The following AHCY variants were observed in gnomAD, a reference collection of about 807,000 sequenced individuals.
AHCY encodes adenosylhomocysteinase.
Under a neutral mutation model 45.4 loss-of-function variants are expected in AHCY, and 24 were observed. The ratio of observed to expected loss-of-function variants is 0.53; its 90% confidence interval spans 0.38 to 0.74. The LOEUF is 0.74. Among genes scored for constraint, AHCY ranks in the 30% least tolerant of loss-of-function variants. AHCY has a pLI of 0.00. For synonymous variants in AHCY, 245 were observed against 235.1 expected (o/e 1.04, Z -0.39); for missense variants, 449 against 594.1 (o/e 0.76, Z 2.54).
At chr20:34,235,987 AGAAG>A in the AHCY span, among the ~76,000 whole-genome samples, 1 of 86,034 alleles carries the variant, frequency 1.2e-5, no homozygotes, top group Non-Finnish European at 1.9e-5. Context: ...GAAGAAGGAA[AGAAG>A]GAAGGAAGGA....
chr20:34,264,567 T>C, the AHCY span, among the ~76,000 whole-genome samples: 1 of 152,150 alleles, frequency 6.6e-6, no homozygotes, highest in African/African-American at 2.4e-5. Flanking sequence ...CAAGAAAAAG[T>C]TGCTTGAATT....
chr20:34,262,806 T>A, the AHCY span: 14 of 1,613,478 alleles, frequency 8.7e-6, no homozygotes, highest in Non-Finnish European at 1.1e-5. Flanking sequence ...AACATCTGAC[T>A]TTGCTCCTTT....
At chr20:34,246,407 T>C in the AHCY span, 1 of 1,363,910 alleles carries the variant, frequency 7.3e-7, no homozygotes, top group Non-Finnish European at 1.0e-6. Context: ...ATCAGGCATA[T>C]ATTCACAGTA....
At chr20:34,232,600 T>G in the AHCY span, among the ~76,000 whole-genome samples, 2 of 152,152 alleles carry the variant, frequency 1.3e-5, no homozygotes, top group African/African-American at 4.8e-5. Context: ...ATTTGAGACA[T>G]CCAGTATATA....
At chr20:34,291,885 G>A (rs914496959) in intron 4 of AHCY, among the ~76,000 whole-genome samples, 2 of 152,168 alleles carry the variant, frequency 1.3e-5, no homozygotes, top group Admixed American at 1.3e-4. Context: ...TCTTCTCAAC[G>A]CCCTCCAGTT....
At chr20:34,303,934 G>C (rs993567854), upstream of AHCY, among the ~76,000 whole-genome samples, 9 of 152,276 alleles carry the variant, frequency 5.9e-5, no homozygotes, top group African/African-American at 2.2e-4. Context: ...TGGAGATCGA[G>C]GCTGCAGTGA....
the AHCY span, among the ~76,000 whole-genome samples, chr20:34,269,744 A>G: frequency 6.6e-6 from 1 of 151,992 alleles, no homozygotes; most frequent in African/African-American, 2.4e-5. Context: ...CTGGAGATCG[A>G]GACCATCCTG....
chr20:34,238,688 T>C, the AHCY span, among the ~76,000 whole-genome samples: 4 of 152,170 alleles, frequency 2.6e-5, no homozygotes, highest in African/African-American at 9.6e-5. Flanking sequence ...TTCCTTTGAA[T>C]GTGCCATATT....
At chr20:34,269,178 T>G in the AHCY span, 1 of 1,493,608 alleles carries the variant, frequency 6.7e-7, no homozygotes, top group Non-Finnish European at 8.9e-7. Context: ...GCGCCCCCAC[T>G]CCCGGCCGCG....
At position 34,281,064 on chromosome 20, in the gene AHCY, G is replaced by C; in HGVS notation, c.1269C>G (p.Gly423=). 6.2e-7 allele frequency: 1 copy of C among 1,614,160 alleles called. No individual in the cohort carries two copies. Among genetic ancestry groups the C allele is most frequent in the Non-Finnish European group, 8.5e-7 (1 of 1,180,040 alleles). ...AGCGGTAGTGATCCGGCTTGAAGGG[G>C]CCATCACAGGACATGCCCAGGTACT... is the stretch of plus-strand genomic sequence containing the variant. The part of the protein sequence containing the change: ...QAQYLGMSCD[G]PFKPDHYRY Residue 423 remains glycine, a synonymous_variant, in exon 10 of 10, where the codon GGC becomes GGG. Transcript: ENST00000217426.
chr20:34,264,938 GGT>G, the AHCY span, among the ~76,000 whole-genome samples: 1 of 151,818 alleles, frequency 6.6e-6, no homozygotes, highest in African/African-American at 2.4e-5. Flanking sequence ...TAGGACTACG[GGT>G]GTGCACCACC....
At chr20:34,299,965 A>G (rs2036715009) in intron 1 of AHCY, among the ~76,000 whole-genome samples, 1 of 152,150 alleles carries the variant, frequency 6.6e-6, no homozygotes, top group African/African-American at 2.4e-5. Flanking sequence ...TGGGCGGATC[A>G]CCCGAGGTCA....
the AHCY span, among the ~76,000 whole-genome samples, chr20:34,237,977 C>G: frequency 6.6e-6 from 1 of 152,136 alleles, no homozygotes; most frequent in Non-Finnish European, 1.5e-5. Context: ...CCCACAGCCT[C>G]TGGCCTCCAA....
At chr20:34,244,813 T>C in the AHCY span, among the ~76,000 whole-genome samples, 2 of 152,196 alleles carry the variant, frequency 1.3e-5, no homozygotes, top group African/African-American at 4.8e-5. Flanking sequence ...CAGTATGTTA[T>C]TGTGCCCGTA....
the AHCY span, among the ~76,000 whole-genome samples, chr20:34,239,860 T>C: frequency 2.0e-5 from 3 of 152,252 alleles, no homozygotes; most frequent in Admixed American, 6.5e-5. Context: ...CAATGTTTAT[T>C]GCAGGGCCCC....
chr20:34,235,883 AAGG>A, the AHCY span, among the ~76,000 whole-genome samples: 2 of 102,430 alleles, frequency 2.0e-5, no homozygotes, highest in South Asian at 7.9e-4. Flanking sequence ...GGAAGGAAGG[AAGG>A]AAGGAAGGAA....
At chr20:34,242,710 T>C in the AHCY span, among the ~76,000 whole-genome samples, 1 of 152,290 alleles carries the variant, frequency 6.6e-6, no homozygotes, top group Non-Finnish European at 1.5e-5. Flanking sequence ...TGCTCAGCTA[T>C]ATCTCCTTGG....
chr20:34,305,159 C>CAAA (rs528737503), upstream of AHCY, among the ~76,000 whole-genome samples: 1 of 109,378 alleles, frequency 9.1e-6, no homozygotes, highest in African/African-American at 3.2e-5. Context: ...ACTAAAAATA[C>CAAA]AAAAAAAAAA....
the AHCY span, among the ~76,000 whole-genome samples, chr20:34,261,791 C>G: frequency 1.3e-5 from 2 of 151,156 alleles, no homozygotes; most frequent in African/African-American, 4.9e-5. Context: ...GACAGACAGA[C>G]CCTGACTCAA....
Sources: gnomAD v4.1 joint callset for allele counts (sites outside exome capture counted in the v4.1 genomes callset) on GRCh38, gnomAD v4.1.1 for gene constraint, MANE v1.5 for transcripts, NCBI Gene and HGNC (gene_info 2026-07-23, HGNC 2026-07-21) for gene names.